SUPT3H: variants seen among roughly 807,000 people sequenced by gnomAD.
SUPT3H encodes SPT3 homolog, SAGA and STAGA complex component, also known as transcription initiation protein SPT3 homolog.
SUPT3H carries 44 observed loss-of-function variants against 44.3 expected under a neutral mutation model. That is an observed-to-expected ratio of 0.99 (90% confidence interval 0.78 to 1.28). SUPT3H has a LOEUF of 1.28. Among genes scored for constraint, SUPT3H ranks in the 50% most tolerant of loss-of-function variants. SUPT3H has a pLI of 0.00. For synonymous variants in SUPT3H, 124 were observed against 125.6 expected (o/e 0.99, Z 0.09); for missense variants, 380 against 387.1 (o/e 0.98, Z 0.15).
intron 2 of SUPT3H, among the ~76,000 whole-genome samples, chr6:45,134,918 C>T (rs145941235): frequency 6.6e-6 from 1 of 152,164 alleles, no homozygotes; most frequent in Non-Finnish European, 1.5e-5. Context: ...TCTACCCCTA[C>T]AGCAGGTTTT....
At chr6:45,041,688 A>G (rs1201062840) in intron 3 of SUPT3H, among the ~76,000 whole-genome samples, 4 of 152,130 alleles carry the variant, frequency 2.6e-5, no homozygotes, top group Non-Finnish European at 4.4e-5. Flanking sequence ...CTTACCTTCC[A>G]CCTTCTTTTT....
intron 2 of SUPT3H, among the ~76,000 whole-genome samples, chr6:45,273,598 C>G (rs1776553920): frequency 6.6e-6 from 1 of 152,080 alleles, no homozygotes; most frequent in Non-Finnish European, 1.5e-5. Flanking sequence ...TTTCATAATT[C>G]ACATTTTCCA....
At chr6:45,370,376 G>A (rs1356959808) in intron 1 of SUPT3H, among the ~76,000 whole-genome samples, 2 of 151,764 alleles carry the variant, frequency 1.3e-5, no homozygotes, top group African/African-American at 4.8e-5. Context: ...CTGAGATCCA[G>A]AAGACTGGGA....
At chr6:44,846,372 C>T (rs1166718876) in intron 10 of SUPT3H, among the ~76,000 whole-genome samples, 2 of 152,276 alleles carry the variant, frequency 1.3e-5, no homozygotes, top group East Asian at 3.9e-4. Context: ...AACAAGCTAA[C>T]CACACAGATA....
At chr6:45,136,510 AT>A (rs1804301413) in intron 2 of SUPT3H, among the ~76,000 whole-genome samples, 1 of 152,144 alleles carries the variant, frequency 6.6e-6, no homozygotes, top group Non-Finnish European at 1.5e-5. Flanking sequence ...GTCATTATAA[AT>A]ATTTCAAAGA....
At chr6:45,112,837 C>T (rs1160006847) in intron 2 of SUPT3H, among the ~76,000 whole-genome samples, 1 of 152,128 alleles carries the variant, frequency 6.6e-6, no homozygotes, top group Non-Finnish European at 1.5e-5. Flanking sequence ...TTCTTTACTG[C>T]CATGTGTACA....
chr6:45,356,738 GT>G (rs1419215217), intron 2 of SUPT3H, among the ~76,000 whole-genome samples: 2 of 151,982 alleles, frequency 1.3e-5, no homozygotes, highest in African/African-American at 4.8e-5. Flanking sequence ...ATGTAAAAGT[GT>G]CCATCAGTCT....
intron 3 of SUPT3H, among the ~76,000 whole-genome samples, chr6:45,050,647 T>G (rs188284020): frequency 6.8e-4 from 104 of 152,268 alleles, no homozygotes; most frequent in Non-Finnish European, 1.1e-3. Context: ...TTTTAAAGCC[T>G]CACGGAAGAC....
intron 2 of SUPT3H, among the ~76,000 whole-genome samples, chr6:45,352,498 T>C (rs765388541): frequency 7.2e-5 from 11 of 151,888 alleles, no homozygotes; most frequent in Non-Finnish European, 1.3e-4. Context: ...AGCAACAAAA[T>C]TACCAGCCAA....
intron 9 of SUPT3H, among the ~76,000 whole-genome samples, chr6:44,935,576 C>G (rs1229301323): frequency 6.6e-6 from 1 of 152,140 alleles, no homozygotes. Context: ...AAGAAAAGTA[C>G]TAGCTGTTTG....
chr6:44,932,807 G>C, intron 9 of SUPT3H, 44 bp from the exon 10 acceptor site: 2 of 1,302,856 alleles, frequency 1.5e-6, no homozygotes, highest in African/African-American at 1.5e-5. Context: ...TCAAAAACAC[G>C]CAACAGAACT....
chr6:44,994,185 G>C (rs1780970816), intron 6 of SUPT3H, among the ~76,000 whole-genome samples: 1 of 152,034 alleles, frequency 6.6e-6, no homozygotes, highest in Non-Finnish European at 1.5e-5. Context: ...TGAGGGCAAA[G>C]GCCATATTTT....
intron 2 of SUPT3H, among the ~76,000 whole-genome samples, chr6:45,108,618 C>A (rs1410348672): frequency 6.6e-6 from 1 of 151,468 alleles, no homozygotes; most frequent in Non-Finnish European, 1.5e-5. Flanking sequence ...TGTAAGAAAA[C>A]CACTCATCAA....
At chr6:45,060,735 T>C (rs1247270231) in intron 3 of SUPT3H, among the ~76,000 whole-genome samples, 2 of 152,048 alleles carry the variant, frequency 1.3e-5, no homozygotes, top group African/African-American at 4.8e-5. Flanking sequence ...TACAAGGAAC[T>C]TGAACAAATT....
chr6:45,144,647 T>C (rs1246338097), intron 2 of SUPT3H, among the ~76,000 whole-genome samples: 1 of 152,038 alleles, frequency 6.6e-6, no homozygotes, highest in African/African-American at 2.4e-5. Flanking sequence ...CTGGAAGTCC[T>C]AGCCAGAGCA....
chr6:44,900,798 C>T (rs898529089), intron 10 of SUPT3H, among the ~76,000 whole-genome samples: 8 of 152,176 alleles, frequency 5.3e-5, no homozygotes, highest in Admixed American at 3.3e-4. Flanking sequence ...ACACCTCACA[C>T]GGCCGGGTAC....
intron 3 of SUPT3H, among the ~76,000 whole-genome samples, chr6:45,025,875 T>C: frequency 1.0e-5 from 1 of 98,818 alleles, no homozygotes; most frequent in East Asian, 3.6e-4. Context: ...AGAGCGAGAC[T>C]CCGTCTCAAA....
At chr6:45,247,692 T>TG (rs1238985573) in intron 2 of SUPT3H, among the ~76,000 whole-genome samples, 1 of 130,984 alleles carries the variant, frequency 7.6e-6, no homozygotes, top group Non-Finnish European at 1.6e-5. Context: ...CTTTTTCCAT[T>TG]TTTTTTTTTT....
At chr6:45,374,901 G>T (rs974801238) in intron 1 of SUPT3H, among the ~76,000 whole-genome samples, 4 of 152,086 alleles carry the variant, frequency 2.6e-5, no homozygotes, top group Non-Finnish European at 5.9e-5. Context: ...CAGTAATTTT[G>T]TCACTGTTTT....
Sources: gnomAD v4.1 joint callset for allele counts (sites outside exome capture counted in the v4.1 genomes callset) on GRCh38, gnomAD v4.1.1 for gene constraint, MANE v1.5 for transcripts, NCBI Gene and HGNC (gene_info 2026-07-23, HGNC 2026-07-21) for gene names.